Variants in CMYA5 observed in about 807,000 individuals in gnomAD.
CMYA5 encodes the protein cardiomyopathy associated 5.
A neutral mutation model predicts 318.9 loss-of-function variants in CMYA5; 246 were observed. That is an observed-to-expected ratio of 0.77 (90% CI 0.70 to 0.86). The LOEUF is 0.86. CMYA5 is among the 40% of genes least tolerant of loss of function. The probability of loss-of-function intolerance (pLI) is 0.00; values close to 1 mark genes in which losing one functional copy is unlikely to be tolerated. For synonymous variants in CMYA5, 1,641 were observed against 1,729.5 expected, an observed-to-expected ratio of 0.95 and a Z score of 1.27; for missense variants, 4,589 against 4,678.2, an observed-to-expected ratio of 0.98 and a Z score of 0.56.
At chr5:79,766,389 C>T (rs574237469) in intron 9 of CMYA5, among the ~76,000 whole-genome samples, 6 of 152,318 alleles carry the variant, frequency 3.9e-5, no homozygotes, top group African/African-American at 7.2e-5. Context: ...GGTGAGTCAC[C>T]GCGCCTGGCG....
At chr5:79,778,980 G>T (rs1829002473) in intron 9 of CMYA5, among the ~76,000 whole-genome samples, 1 of 100,370 alleles carries the variant, frequency 1.0e-5, no homozygotes, top group Non-Finnish European at 1.9e-5. Flanking sequence ...AGTTACATAT[G>T]TATACATGTG....
chr5:79,793,600 GAGCCAC>G lies in CMYA5; in HGVS notation c.11956_11961del (p.Pro3986_Gln3987del). 6.3e-7 allele frequency: 1 copy of G among 1,597,642 alleles called. No homozygotes were observed. Among genetic ancestry groups the G allele is most frequent in the Non-Finnish European group, 8.6e-7 (1 of 1,166,728 alleles). Reference sequence around the variant, plus strand: ...GACCTCATGGTACATGCACTGCTCTGAGCCACAGAGGTAAGCGAGCCCTTCCCCTCC... The same window carrying G: ...GACCTCATGGTACATGCACTGCTCTGAGAGGTAAGCGAGCCCTTCCCCTCC... On this transcript the variant is annotated inframe_deletion, in exon 12 of 13. Transcript: ENST00000446378.
intron 1 of CMYA5, among the ~76,000 whole-genome samples, chr5:79,696,543 T>C (rs1032983529): frequency 6.6e-6 from 1 of 152,198 alleles, no homozygotes; most frequent in Non-Finnish European, 1.5e-5. Flanking sequence ...ATTCACTTGC[T>C]AAATAGAAAT....
Position 79,738,413 on chromosome 5 carries a change from T to G in CMYA5, c.9648T>G (p.Ser3216Arg). Residue 3216 changes from serine to arginine, a missense_variant, in exon 2 of 13, where the codon AGT (serine) becomes AGG (arginine). Around this residue, in one of 3 missense-constraint regions of CMYA5, gnomAD observed 2,431 missense variants for 2,495.1 expected, o/e 0.97. Transcript: ENST00000446378. ...KEEETASEGD[S>R]VNSEASFPSR... is the part of the protein sequence containing the mutation. ...AGGAGACAGCTTCTGAAGGTGACAGTGTGAATTCTGAGGCATCATTTCCCA... is the reference window on the plus strand; with the variant it reads ...AGGAGACAGCTTCTGAAGGTGACAGGGTGAATTCTGAGGCATCATTTCCCA... 1 of 1,613,746 alleles carries G rather than the reference T, an allele frequency of 6.2e-7. No individual in the cohort carries two copies. The highest frequency in any genetic ancestry group is 8.5e-7 in the Non-Finnish European group (1 of 1,179,838).
At chr5:79,752,894 A>C in intron 6 of CMYA5, 100 bp downstream of exon 6, 1 of 761,502 alleles carries the variant, frequency 1.3e-6, no homozygotes, top group Non-Finnish European at 2.1e-6. Context: ...GAGTGTAAAG[A>C]CATGTAACTG....
Position 79,767,050 on chromosome 5 carries a change from A to C in CMYA5, c.11555+3841A>C, listed in dbSNP as rs188345732. Among the ~76,000 whole-genome samples the C allele has an allele frequency of 4.1e-3, 629 of 152,362 alleles. 5 individuals carry two copies. The highest frequency in any genetic ancestry group is 0.015 in the African/African-American group (606 of 41,578). On this transcript the variant is annotated intron_variant, in intron 9 of 12. Transcript: ENST00000446378. ...TAGTCTTGGGAGGGTGTATGTGTCC[A>C]GGAATTTATCCATTTCTTCTACATT...
At chr5:79,710,914 T>C (rs1295315052) in intron 1 of CMYA5, among the ~76,000 whole-genome samples, 1 of 152,166 alleles carries the variant, frequency 6.6e-6, no homozygotes, top group African/African-American at 2.4e-5. Context: ...CAGCTTAATT[T>C]TTAGAACTCC....
chr5:79,736,485 A>G lies in CMYA5; in HGVS notation c.7720A>G (p.Ile2574Val). ...CGAGTCTATGAGTAGAGAATCAGATATCTCTTTAGGTCATTCTTTGGGTGA... is the reference window on the plus strand; with the variant it reads ...CGAGTCTATGAGTAGAGAATCAGATGTCTCTTTAGGTCATTCTTTGGGTGA... ...VAESMSRESD[I>V]SLGHSLGETQ... The change falls in exon 2 of 13, where the codon ATC becomes GTC. Residue 2574 changes from isoleucine (I) to valine (V), a missense_variant. Physicochemically the swap from Ile to Val is conservative, Grantham distance 29. Around this residue, in one of 3 missense-constraint regions of CMYA5, gnomAD observed 2,431 missense variants for 2,495.1 expected, o/e 0.97. Transcript: ENST00000446378. The G allele has an allele frequency of 1.2e-6, 2 of 1,611,640 alleles. No homozygotes were observed. Among genetic ancestry groups the G allele is most frequent in the Non-Finnish European group, 1.7e-6 (2 of 1,178,692 alleles).
rs1828011356 is a variant in CMYA5 at position 79,734,746 on chromosome 5, T to C, written c.5981T>C (p.Leu1994Ser). ...AAGCTGGCTGAAGAACCAAAGTCTT[T>C]AGTCCTAGCTGGAAATGTAGAGAGA... ...EVKLAEEPKS[L>S]VLAGNVERNI... Residue 1994 changes from leucine (L) to serine (S), a missense_variant, in exon 2 of 13, where the codon TTA becomes TCA. Leu to Ser is a moderately radical substitution (Grantham distance 145, BLOSUM62 -2). Coordinates refer to ENST00000446378, the MANE Select transcript of CMYA5 (RefSeq NM_153610.5). 6.2e-7 allele frequency: 1 copy of C among 1,613,724 alleles called. No individual in the cohort carries two copies. The highest frequency in any genetic ancestry group is 1.3e-5 in the African/African-American group (1 of 74,914).
chr5:79,788,153 A>G (rs1317772988), intron 9 of CMYA5, among the ~76,000 whole-genome samples: 1 of 152,040 alleles, frequency 6.6e-6, no homozygotes, highest in Non-Finnish European at 1.5e-5. Flanking sequence ...TTAGCAAGGA[A>G]TCTAACTTGT....
At chr5:79,757,955 C>T (rs530184135) in intron 6 of CMYA5, among the ~76,000 whole-genome samples, 70 of 152,268 alleles carry the variant, frequency 4.6e-4, no homozygotes, top group Non-Finnish European at 6.6e-4. Flanking sequence ...TACAGCTGGG[C>T]GCGGTGGCTC....
chr5:79,717,192 C>T (rs1211618942), intron 1 of CMYA5, among the ~76,000 whole-genome samples: 1 of 152,128 alleles, frequency 6.6e-6, no homozygotes, highest in African/African-American at 2.4e-5. Flanking sequence ...CTTGTTATTG[C>T]TGTAACATGA....
rs779484816 is a variant in CMYA5 at position 79,729,701 on chromosome 5, G to A, written c.936G>A (p.Glu312=). 1 of 1,613,924 alleles carries A rather than the reference G, an allele frequency of 6.2e-7. No individual in the cohort carries two copies. The highest frequency in any genetic ancestry group is 1.1e-5 in the South Asian group (1 of 91,078). Residue 312 remains glutamate (E), a synonymous_variant, in exon 2 of 13, where the codon GAG becomes GAA. Coordinates refer to ENST00000446378, the MANE Select transcript of CMYA5 (RefSeq NM_153610.5). The stretch of plus-strand genomic sequence containing the variant: ...GAGGCGCACTCTCCAAAGGATCAGA[G>A]TCCCTAACCTTAATGTTCAGTCATG... ...PWRGALSKGS[E]SLTLMFSHED... is the part of the protein sequence containing the mutation.
In CMYA5 at chr5:79,739,255, C is replaced by T. The variant is rs774800348; in HGVS notation, c.10490C>T (p.Thr3497Ile). The T allele has an allele frequency of 2.5e-6, 4 of 1,612,344 alleles. No homozygotes were observed. In the South Asian group the frequency reaches 3.3e-5, roughly 13 times the overall value. The change falls in exon 2 of 13, where the codon ACT becomes ATT. Residue 3497 changes from threonine (T) to isoleucine (I), a missense_variant. This residue lies in a region of CMYA5 where 2,431 missense variants were observed against 2,495.1 expected (regional missense o/e 0.97). Transcript: ENST00000446378. ...GACCAATTATCATCTGAGGTAGTAA[C>T]TGAAAAGGCACAAAAAGAGCTGAAA... is the stretch of plus-strand genomic sequence containing the variant. The part of the protein sequence containing the change: ...EEDQLSSEVV[T>I]EKAQKELKKS...
intron 9 of CMYA5, among the ~76,000 whole-genome samples, chr5:79,785,831 G>A (rs572978997): frequency 5.9e-5 from 9 of 151,852 alleles, no homozygotes; most frequent in South Asian, 4.2e-4. Flanking sequence ...TTTTTACTTC[G>A]TAAAAATCCT....
intron 1 of CMYA5, among the ~76,000 whole-genome samples, chr5:79,725,550 A>G (rs1223090068): frequency 1.3e-5 from 2 of 152,170 alleles, no homozygotes; most frequent in Admixed American, 1.3e-4. Context: ...GAAGCCCCAA[A>G]CTCAGCATCA....
At chr5:79,712,057 G>A (rs951631780) in intron 1 of CMYA5, among the ~76,000 whole-genome samples, 2 of 152,202 alleles carry the variant, frequency 1.3e-5, no homozygotes, top group African/African-American at 2.4e-5. Context: ...AAACAGGCCC[G>A]GAGAACCAAC....
At chr5:79,693,957 G>A (rs568713230) in intron 1 of CMYA5, among the ~76,000 whole-genome samples, 154 of 152,332 alleles carry the variant, frequency 1.0e-3, no homozygotes, top group Middle Eastern at 6.8e-3. Flanking sequence ...CTGATGAGGT[G>A]ACATTTGAGC....
intron 9 of CMYA5, among the ~76,000 whole-genome samples, chr5:79,764,550 TC>T (rs962800824): frequency 4.4e-4 from 67 of 152,312 alleles, no homozygotes; most frequent in African/African-American, 1.5e-3. Context: ...TGGTTCTAGA[TC>T]CTTGAGGAAT....
Sources: gnomAD v4.1 joint callset for allele counts (sites outside exome capture counted in the v4.1 genomes callset) on GRCh38, gnomAD v4.1.1 for gene constraint, gnomAD v4.1.1 regional missense constraint, MANE v1.5 for transcripts, NCBI Gene and HGNC (gene_info 2026-07-23, HGNC 2026-07-21) for gene names.